The following CTNNA3 variants were observed in gnomAD, a reference collection of about 807,000 sequenced individuals.
The protein encoded by CTNNA3 is catenin alpha-3.
CTNNA3 carries 76 observed loss-of-function variants against 95.7 expected under a neutral mutation model. The ratio of observed to expected loss-of-function variants is 0.79; its 90% CI spans 0.66 to 0.96. CTNNA3 has a LOEUF of 0.96. CTNNA3 is among the 40% of genes least tolerant of loss of function. CTNNA3 has a pLI of 0.00. For synonymous variants in CTNNA3, 431 were observed against 374.4 expected, an observed-to-expected ratio of 1.15 and a Z score of -1.74; for missense variants, 1,191 against 1,089.8, an observed-to-expected ratio of 1.09 and a Z score of -1.31.
At chr10:67,476,836 C>T (rs1218371277) in intron 5 of CTNNA3, among the ~76,000 whole-genome samples, 2 of 151,834 alleles carry the variant, frequency 1.3e-5, no homozygotes, top group Non-Finnish European at 2.9e-5. Context: ...CCTGAGCCAC[C>T]CCACCCTCCT....
intron 12 of CTNNA3, among the ~76,000 whole-genome samples, chr10:66,313,579 C>G (rs911250569): frequency 1.3e-5 from 2 of 152,146 alleles, no homozygotes; most frequent in African/African-American, 4.8e-5. Context: ...TAAATGTCAT[C>G]CACTCTGAGA....
At position 66,360,773 on chromosome 10, in the gene CTNNA3, C is replaced by CCT. The variant is rs2092660497; in HGVS notation, c.1732+18378_1732+18379insAG. Among the ~76,000 whole-genome samples the CCT allele has an allele frequency of 1.1e-4, 5 of 43,988 alleles. 1 individual carries two copies. Among genetic ancestry groups the CCT allele is most frequent in the Non-Finnish European group, 1.9e-4 (4 of 21,414 alleles). The allele number at this position is 43,988 out of a possible 152,430, so 28.9% of individuals were successfully genotyped here. On this transcript the variant is annotated intron_variant, in intron 12 of 17. Transcript: ENST00000433211. The stretch of plus-strand genomic sequence containing the variant: ...CTTCCTTCCTTCCTTCCTTCCTTTT[C>CCT]TTTCTTTCTTTCTTCCTTCCTTCCT...
At chr10:66,363,925 A>C (rs1246600416) in intron 12 of CTNNA3, among the ~76,000 whole-genome samples, 12 of 152,106 alleles carry the variant, frequency 7.9e-5, no homozygotes, top group Admixed American at 7.9e-4. Context: ...ATTATCACAA[A>C]ACCTCTAAGA....
intron 17 of CTNNA3, among the ~76,000 whole-genome samples, chr10:65,922,906 G>A (rs1346102672): frequency 2.6e-5 from 4 of 152,144 alleles, no homozygotes; most frequent in African/African-American, 9.7e-5. Context: ...AGGGGAAGCA[G>A]ACACATCTTA....
chr10:66,520,825 T>C, intron 10 of CTNNA3, 52 bp from the exon 11 acceptor site: 1 of 1,446,898 alleles, frequency 6.9e-7, no homozygotes, highest in African/African-American at 1.4e-5. Context: ...TGTTCACTAT[T>C]TGGGTGATGG....
intron 7 of CTNNA3, among the ~76,000 whole-genome samples, chr10:66,896,343 T>C (rs184632636): frequency 7.7e-4 from 117 of 152,330 alleles, no homozygotes; most frequent in African/African-American, 2.6e-3. Flanking sequence ...ATTCATATTT[T>C]GTTTCTTTCA....
At chr10:66,952,560 C>G (rs573364697) in intron 7 of CTNNA3, among the ~76,000 whole-genome samples, 1 of 151,914 alleles carries the variant, frequency 6.6e-6, no homozygotes, top group Admixed American at 6.6e-5. Flanking sequence ...TGTGGAGGCA[C>G]GCACACATGC....
Position 66,036,666 on chromosome 10 carries a change from A to G in CTNNA3, c.2159+32642T>C, listed in dbSNP as rs544474858. On this transcript the variant is annotated intron_variant, in intron 15 of 17. Transcript: ENST00000433211. The stretch of plus-strand genomic sequence containing the variant: ...GTTAGGATTACAGGGGTGAGCCACC[A>G]CGTCCAGCTTGCCAGGCATTCCTGA... 2.6e-5 allele frequency among the ~76,000 whole-genome samples: 4 copies of G among 152,210 alleles called. No individual in the cohort carries two copies. The South Asian group carries it at 8.3e-4, about 32-fold the overall frequency.
At chr10:65,951,585 A>G (rs1297391680) in intron 17 of CTNNA3, among the ~76,000 whole-genome samples, 1 of 152,078 alleles carries the variant, frequency 6.6e-6, no homozygotes, top group South Asian at 2.1e-4. Context: ...TGATGTATGT[A>G]GCAACCATCC....
At chr10:67,675,457 G>C (rs535435265) in intron 1 of CTNNA3, among the ~76,000 whole-genome samples, 1 of 152,214 alleles carries the variant, frequency 6.6e-6, no homozygotes, top group East Asian at 1.9e-4. Flanking sequence ...CCTTGGACAA[G>C]TAGGCCACTT....
intron 7 of CTNNA3, among the ~76,000 whole-genome samples, chr10:67,126,863 G>A (rs1859743573): frequency 6.6e-6 from 1 of 152,180 alleles, no homozygotes; most frequent in Non-Finnish European, 1.5e-5. Flanking sequence ...GTTCTGGGAA[G>A]CCACATAATG....
intron 1 of CTNNA3, among the ~76,000 whole-genome samples, chr10:67,660,921 A>C (rs990189611): frequency 7.2e-6 from 1 of 138,492 alleles, no homozygotes; most frequent in Non-Finnish European, 1.5e-5. Flanking sequence ...ACAGAGCAAG[A>C]CTCCGTCTCA....
chr10:66,037,875 C>A (rs1041610945), intron 15 of CTNNA3, among the ~76,000 whole-genome samples: 3 of 152,060 alleles, frequency 2.0e-5, no homozygotes, highest in Non-Finnish European at 4.4e-5. Context: ...TTATACCAAC[C>A]ATTTGTAATT....
chr10:66,039,168 C>T (rs117086170), intron 15 of CTNNA3, among the ~76,000 whole-genome samples: 3,244 of 152,184 alleles, frequency 0.021, 41 homozygotes, highest in Non-Finnish European at 0.034. Flanking sequence ...GAATAAAAGA[C>T]CTAGGAATAC....
chr10:66,131,434 T>G (rs2083099952), intron 13 of CTNNA3, among the ~76,000 whole-genome samples: 1 of 152,138 alleles, frequency 6.6e-6, no homozygotes, highest in South Asian at 2.1e-4. Context: ...AAATGTGAAC[T>G]AATGAAGAAA....
chr10:66,885,787 G>A (rs1388576874), intron 7 of CTNNA3, among the ~76,000 whole-genome samples: 2 of 152,048 alleles, frequency 1.3e-5, no homozygotes, highest in Admixed American at 1.3e-4. Flanking sequence ...AGAAAAATAA[G>A]AAAATAATTT....
chr10:67,694,966 T>C (rs1468269586), intron 1 of CTNNA3, among the ~76,000 whole-genome samples: 4 of 152,218 alleles, frequency 2.6e-5, no homozygotes, highest in Non-Finnish European at 4.4e-5. Flanking sequence ...GGTTTCTCCA[T>C]TTAACAAACT....
At chr10:66,097,147 C>A (rs2133717336) in intron 14 of CTNNA3, among the ~76,000 whole-genome samples, 1 of 152,234 alleles carries the variant, frequency 6.6e-6, no homozygotes, top group South Asian at 2.1e-4. Flanking sequence ...TAAAGCATTT[C>A]TTCATTAGTC....
intron 9 of CTNNA3, among the ~76,000 whole-genome samples, chr10:66,755,303 ATAGATTAATAG>A (rs1296063295): frequency 2.0e-5 from 3 of 152,176 alleles, no homozygotes; most frequent in African/African-American, 7.2e-5. Context: ...TAATAGTTTG[ATAGATTAATAG>A]TAGATTAATA....
Sources: allele counts gnomAD v4.1 joint callset (sites outside exome capture counted in the v4.1 genomes callset), GRCh38; gene constraint gnomAD v4.1.1; transcripts MANE v1.5; gene names NCBI Gene and HGNC (gene_info 2026-07-23, HGNC 2026-07-21).